PSMB2: variants seen among roughly 807,000 people sequenced by gnomAD.
PSMB2 encodes the protein proteasome subunit beta type-2.
In PSMB2, 13 loss-of-function variants were observed where a neutral mutation model predicts 25.7. That is an observed-to-expected ratio of 0.51 (90% CI 0.33 to 0.80). The LOEUF is 0.80. Ranked by LOEUF, PSMB2 falls within the 30% of genes least tolerant of loss-of-function variation. The probability of loss-of-function intolerance (pLI) is 0.02; values close to 1 mark genes in which losing one functional copy is unlikely to be tolerated. For missense variants in PSMB2, 202 were observed against 259.0 expected (o/e 0.78, Z 1.51); for synonymous variants, 87 against 96.2 (o/e 0.90, Z 0.56).
At position 35,631,330 on chromosome 1, in the gene PSMB2, G is replaced by A. The variant is rs1411668578; in HGVS notation, c.229C>T (p.Pro77Ser). ...YKMRNGYELSPTAAANFTRRN... is the reference protein window; with the variant it reads ...YKMRNGYELSSTAAANFTRRN... ...CGTGTGAAGTTAGCTGCTGCCGTGG[G>A]AGACAATTCATATCCTGGTAGAAGA... The change falls in exon 3 of 6, where the codon CCC becomes TCC. Residue 77 changes from proline to serine, a missense_variant. By Grantham distance (74) the Pro-to-Ser change is moderately conservative (BLOSUM62 -1). Transcript: ENST00000373237. The A allele has an allele frequency of 6.2e-7, 1 of 1,614,122 alleles. No individual in the cohort carries two copies. The highest frequency in any genetic ancestry group is 1.1e-5 in the South Asian group (1 of 91,070).
intron 4 of PSMB2, among the ~76,000 whole-genome samples, chr1:35,606,645 T>C (rs1486538818): frequency 2.0e-5 from 3 of 152,124 alleles, no homozygotes; most frequent in Non-Finnish European, 4.4e-5. Flanking sequence ...ATATATTCAA[T>C]GCAATCCCTA....
intron 3 of PSMB2, among the ~76,000 whole-genome samples, chr1:35,619,468 T>A (rs1046500810): frequency 5.9e-5 from 9 of 152,178 alleles, no homozygotes. Context: ...GAGTGCCCCA[T>A]CTGTAATGTG....
In PSMB2 at chr1:35,631,356, G is replaced by A; in HGVS notation, c.215-12C>T. 1.9e-6 allele frequency: 3 copies of A among 1,613,628 alleles called. No individual in the cohort carries two copies. The highest frequency in any genetic ancestry group is 2.5e-6 in the Non-Finnish European group (3 of 1,179,554). On this transcript the variant is annotated splice_polypyrimidine_tract_variant and intron_variant, in intron 2 of 5. Transcript: ENST00000373237. ...AGACAATTCATATCCTGGTAGAAGA[G>A]ATAAAGAGTCATACTTAAAGTAAAG...
At chr1:35,616,342 GCTCT>G (rs1362918888) in intron 3 of PSMB2, among the ~76,000 whole-genome samples, 3 of 152,270 alleles carry the variant, frequency 2.0e-5, no homozygotes, top group East Asian at 1.9e-4. Context: ...AGCATCTACT[GCTCT>G]CTATTTCACT....
intron 3 of PSMB2, among the ~76,000 whole-genome samples, chr1:35,609,985 C>T (rs1650283192): frequency 6.6e-6 from 1 of 152,168 alleles, no homozygotes; most frequent in African/African-American, 2.4e-5. Flanking sequence ...CATAGGTGCT[C>T]TTTTGTCATT....
chr1:35,603,363 G>C lies in PSMB2; in HGVS notation c.510C>G (p.Arg170=), dbSNP rs1260331064. 6.2e-7 allele frequency: 1 copy of C among 1,614,046 alleles called. No individual in the cohort carries two copies. The highest frequency in any genetic ancestry group is 1.3e-5 in the African/African-American group (1 of 74,922). The change falls in exon 6 of 6, where the codon CGC becomes CGG. Residue 170 remains arginine, a synonymous_variant. Coordinates refer to ENST00000373237, the MANE Select transcript of PSMB2 (RefSeq NM_002794.5). ...TGAAGGTTGGCAGATTCAGGATGAA[G>C]CGTTTCTGGAGCTGCAGAGAGACAT... ...LRKCLEELQK[R]FILNLPTFSV...
chr1:35,638,657 A>G (rs979748416), intron 1 of PSMB2, among the ~76,000 whole-genome samples: 2 of 152,216 alleles, frequency 1.3e-5, no homozygotes, highest in Non-Finnish European at 2.9e-5. Context: ...GAAAAGAGAG[A>G]ATTCTGTGTG....
At chr1:35,611,748 TG>T (rs1233254467) in intron 3 of PSMB2, among the ~76,000 whole-genome samples, 1 of 151,754 alleles carries the variant, frequency 6.6e-6, no homozygotes, top group African/African-American at 2.4e-5. Flanking sequence ...CGCCTGAACC[TG>T]GGAGGCAGAG....
chr1:35,631,873 T>C (rs539674325), intron 2 of PSMB2, among the ~76,000 whole-genome samples: 6 of 152,086 alleles, frequency 3.9e-5, no homozygotes, highest in African/African-American at 1.4e-4. Flanking sequence ...AATTTTTTTT[T>C]AAATTTCTAG....
intron 4 of PSMB2, 30 bp from the exon 5 acceptor site, chr1:35,605,312 C>T: frequency 6.2e-7 from 1 of 1,602,568 alleles, no homozygotes; most frequent in African/African-American, 1.3e-5. Flanking sequence ...CCAAATACTT[C>T]CGGTGCTGTC....
chr1:35,601,163 C>A lies in PSMB2; in HGVS notation c.*2104G>T. ...CTCACTGCAACCTCCCTCTCCCGGG[C>A]TCAAGCAATTCTCCTGCCTCAGCCT... is the stretch of plus-strand genomic sequence containing the variant. On this transcript the variant is annotated 3_prime_UTR_variant, in exon 6 of 6. Transcript: ENST00000373237. The A allele has an allele frequency of 2.7e-6, 2 of 727,876 alleles. No homozygotes were observed. Among genetic ancestry groups the A allele is most frequent in the Non-Finnish European group, 3.3e-6 (2 of 599,630 alleles). 45.1% of individuals were successfully genotyped at this position (727,876 alleles called of 1,614,324 possible). A position where few individuals can be genotyped will look rare whatever the true frequency, so the allele number is the denominator to read the frequency against.
chr1:35,614,698 T>A (rs1029410644), intron 3 of PSMB2, among the ~76,000 whole-genome samples: 5 of 152,198 alleles, frequency 3.3e-5, no homozygotes, highest in Non-Finnish European at 7.3e-5. Flanking sequence ...GTCTTGGCAA[T>A]CACCATCAAT....
intron 3 of PSMB2, among the ~76,000 whole-genome samples, chr1:35,628,589 AAAAAAAAATATATATATAT>A (rs1557456145): frequency 4.7e-5 from 1 of 21,410 alleles, no homozygotes; most frequent in South Asian, 3.3e-3. Context: ...AAAAAAAAAA[AAAAAAAAATATATATATAT>A]ATATATATAT....
chr1:35,611,516 A>T (rs951967166), intron 3 of PSMB2, among the ~76,000 whole-genome samples: 1 of 152,010 alleles, frequency 6.6e-6, no homozygotes, highest in Non-Finnish European at 1.5e-5. Context: ...CTGATTTATT[A>T]TTATTTTTTT....
At chr1:35,619,902 T>C (rs186889362) in intron 3 of PSMB2, among the ~76,000 whole-genome samples, 205 of 152,356 alleles carry the variant, frequency 1.3e-3, no homozygotes, top group African/African-American at 4.6e-3. Flanking sequence ...CAAAATAAAA[T>C]TGCTGATTGT....
intron 3 of PSMB2, among the ~76,000 whole-genome samples, chr1:35,611,090 T>C (rs1415412853): frequency 3.3e-5 from 5 of 152,208 alleles, no homozygotes; most frequent in Non-Finnish European, 7.3e-5. Context: ...TGGCTTTCTT[T>C]TTCTCTGCAG....
chr1:35,600,539 T>C lies in PSMB2; in HGVS notation c.*2728A>G. 2 of 985,322 alleles carry C rather than the reference T, an allele frequency of 2.0e-6. No individual in the cohort carries two copies. Among genetic ancestry groups the C allele is most frequent in the Non-Finnish European group, 1.2e-6 (1 of 829,800 alleles). 61.0% of individuals were successfully genotyped at this position (985,322 alleles called of 1,614,324 possible). ...TAAAAATAAATGATGCCTGGGTTTC[T>C]GACTTGGGCACTTGGGAAACCAGGT... On this transcript the variant is annotated 3_prime_UTR_variant, in exon 6 of 6. Transcript: ENST00000373237.
At chr1:35,628,629 A>ATTTTTTTTTT (rs1401010119) in intron 3 of PSMB2, among the ~76,000 whole-genome samples, 6 of 43,586 alleles carry the variant, frequency 1.4e-4, no homozygotes, top group East Asian at 0.013. Context: ...ATATATATAT[A>ATTTTTTTTTT]TATTTTTTTT....
intron 1 of PSMB2, among the ~76,000 whole-genome samples, chr1:35,641,128 T>C (rs1249222278): frequency 6.6e-6 from 1 of 152,108 alleles, no homozygotes; most frequent in Admixed American, 6.5e-5. Context: ...AGACAAAGAC[T>C]GTGCTAAGCC....
Sources: gnomAD v4.1 joint callset for allele counts (sites outside exome capture counted in the v4.1 genomes callset) on GRCh38, gnomAD v4.1.1 for gene constraint, MANE v1.5 for transcripts, NCBI Gene and HGNC (gene_info 2026-07-23, HGNC 2026-07-21) for gene names.